The following COL27A1 variants were observed in gnomAD, a reference collection of about 807,000 sequenced individuals.
COL27A1 encodes collagen alpha-1(XXVII) chain.
In COL27A1, 106 loss-of-function variants were observed where a neutral mutation model predicts 251.3. The observed-to-expected ratio is 0.42, with a 90% CI of 0.36 to 0.50. The LOEUF (loss-of-function observed/expected upper bound fraction) is 0.50. Ranked by LOEUF, COL27A1 falls within the 20% of genes least tolerant of loss-of-function variation. The pLI is 0.00. For synonymous variants in COL27A1, 1,000 were observed against 986.3 expected, an observed-to-expected ratio of 1.01 and a Z score of -0.26; for missense variants, 2,325 against 2,522.8, an observed-to-expected ratio of 0.92 and a Z score of 1.68.
chr9:114,227,013 G>T (rs1033558565), intron 14 of COL27A1, among the ~76,000 whole-genome samples: 2 of 152,242 alleles, frequency 1.3e-5, no homozygotes, highest in African/African-American at 4.8e-5. Flanking sequence ...AAGGACAAAT[G>T]GGCATTAACA....
In COL27A1 at chr9:114,195,956, C is replaced by T; in HGVS notation, c.2071-3C>T. The T allele has an allele frequency of 6.2e-7, 1 of 1,612,980 alleles. No individual in the cohort carries two copies. On this transcript the variant is annotated splice_polypyrimidine_tract_variant and splice_region_variant and intron_variant, in intron 6 of 60. Transcript: ENST00000356083. ...CCTCACCCACCTTGTCTGTGTCTTC[C>T]AGGGTGACATGGGCTTGCCTGGGCT...
At chr9:114,306,790 A>T in intron 58 of COL27A1, 102 bp downstream of exon 58, 1 of 1,293,090 alleles carries the variant, frequency 7.7e-7, no homozygotes, top group Non-Finnish European at 1.1e-6. Flanking sequence ...TTTTGTCCTC[A>T]GCAAGACAGA....
At chr9:114,195,837 T>C in intron 6 of COL27A1, 122 bp from the exon 7 acceptor site, 1 of 830,366 alleles carries the variant, frequency 1.2e-6, no homozygotes, top group Non-Finnish European at 2.1e-6. Flanking sequence ...AGGCCTCTAC[T>C]TCTCTATGAA....
intron 5 of COL27A1, among the ~76,000 whole-genome samples, chr9:114,186,844 A>G (rs1828378452): frequency 6.6e-6 from 1 of 152,178 alleles, no homozygotes; most frequent in Non-Finnish European, 1.5e-5. Flanking sequence ...CAGGGTGCTG[A>G]TGCTGGACCA....
At chr9:114,199,375 G>C (rs1003908650) in intron 7 of COL27A1, among the ~76,000 whole-genome samples, 13 of 152,090 alleles carry the variant, frequency 8.5e-5, no homozygotes, top group African/African-American at 3.1e-4. Flanking sequence ...CACAAAGTCA[G>C]TGTTGAGAAA....
intron 25 of COL27A1, among the ~76,000 whole-genome samples, 182 bp from the exon 26 acceptor site, chr9:114,252,411 C>T (rs1288294141): frequency 6.6e-6 from 1 of 152,194 alleles, no homozygotes; most frequent in African/African-American, 2.4e-5. Flanking sequence ...TTGGCTTCCT[C>T]TGAGTGAAAT....
chr9:114,234,687 A>C (rs1031624731), intron 16 of COL27A1, among the ~76,000 whole-genome samples: 4 of 152,202 alleles, frequency 2.6e-5, no homozygotes, highest in Non-Finnish European at 4.4e-5. Context: ...ACAAACACCC[A>C]GACTTAAGTC....
At chr9:114,295,125 G>T (rs748512956) in intron 49 of COL27A1, among the ~76,000 whole-genome samples, 2 of 152,126 alleles carry the variant, frequency 1.3e-5, no homozygotes, top group African/African-American at 2.4e-5. Flanking sequence ...GTGCACAAAT[G>T]AATTGCATTT....
chr9:114,289,339 G>A (rs1260893961), intron 45 of COL27A1, 44 bp downstream of exon 45: 1 of 1,526,550 alleles, frequency 6.6e-7, no homozygotes, highest in Admixed American at 2.2e-5. Context: ...GTCCCAGGAA[G>A]GGGGAAGCCT....
At chr9:114,251,654 T>C (rs1241072500) in intron 25 of COL27A1, among the ~76,000 whole-genome samples, 1 of 152,202 alleles carries the variant, frequency 6.6e-6, no homozygotes, top group East Asian at 1.9e-4. Flanking sequence ...AAATGACCCA[T>C]GTCCCTTCTC....
chr9:114,278,994 G>A, intron 37 of COL27A1, among the ~76,000 whole-genome samples: 1 of 152,166 alleles, frequency 6.6e-6, no homozygotes. Flanking sequence ...GCTGGAGAGG[G>A]CACGTCCCAG....
rs371912810 is a variant in COL27A1 at position 114,169,400 on chromosome 9, A to G, written c.1845A>G (p.Ala615=). ...TSSGYSIFHL[A]GSTPFPLLMG... ...GTGGCTATTCGATCTTCCACCTGGC[A>G]GGATCTACGCCTTTCCCTCTGCTGA... Residue 615 remains alanine (A), a synonymous_variant, in exon 3 of 61, where the codon GCA becomes GCG. Coordinates refer to ENST00000356083, the MANE Select transcript of COL27A1 (RefSeq NM_032888.4). The G allele has an allele frequency of 1.2e-6, 2 of 1,604,904 alleles. No individual in the cohort carries two copies. The highest frequency in any genetic ancestry group is 1.7e-6 in the Non-Finnish European group (2 of 1,176,450).
At chr9:114,157,106 A>ACGCG (rs1554782456) in intron 1 of COL27A1, among the ~76,000 whole-genome samples, 2,477 of 147,836 alleles carry the variant, frequency 0.017, 52 homozygotes, top group African/African-American at 0.039. Flanking sequence ...ACACACACAT[A>ACGCG]CGCGCGCGCG....
upstream of COL27A1, among the ~76,000 whole-genome samples, chr9:114,154,866 A>T (rs1848033378): frequency 6.6e-6 from 1 of 152,120 alleles, no homozygotes; most frequent in African/African-American, 2.4e-5. This position sits in a 1 kb window ranked among gnomAD's most constrained non-coding sequence, Gnocchi z 5.8. Context: ...CTGTGGTCCC[A>T]GGGCTGGACT....
intron 23 of COL27A1, 82 bp downstream of exon 23, chr9:114,243,642 C>A: frequency 1.7e-6 from 2 of 1,194,204 alleles, no homozygotes; most frequent in South Asian, 2.8e-5. Flanking sequence ...CCCCAAATCC[C>A]ATGGCCAGTT....
At chr9:114,268,167 C>T (rs538898898) in intron 34 of COL27A1, among the ~76,000 whole-genome samples, 53 of 152,212 alleles carry the variant, frequency 3.5e-4, no homozygotes, top group South Asian at 6.2e-4. Context: ...AACCACCCCA[C>T]GTAGAAAACT....
At chr9:114,207,856 T>A (rs1484013443) in intron 10 of COL27A1, among the ~76,000 whole-genome samples, 1 of 152,190 alleles carries the variant, frequency 6.6e-6, no homozygotes, top group East Asian at 1.9e-4. Context: ...CTATTTGGAA[T>A]GGCAGTAAAT....
chr9:114,307,838 G>T (rs1829167133), intron 59 of COL27A1, 60 bp downstream of exon 59: 1 of 1,256,840 alleles, frequency 8.0e-7, no homozygotes, highest in Admixed American at 1.8e-5. Flanking sequence ...AGCCTGCCCT[G>T]GGCCACAACC....
intron 53 of COL27A1, 59 bp downstream of exon 53, chr9:114,301,378 C>G (rs1828617165): frequency 6.2e-7 from 1 of 1,612,152 alleles, no homozygotes; most frequent in African/African-American, 1.3e-5. Context: ...GAGGGGTGGG[C>G]TCCCAGAGTT....
Sources: gnomAD v4.1 joint callset for allele counts (sites outside exome capture counted in the v4.1 genomes callset) on GRCh38, gnomAD v4.1.1 for gene constraint, Gnocchi (gnomAD v3.1) non-coding constraint, MANE v1.5 for transcripts, NCBI Gene and HGNC (gene_info 2026-07-23, HGNC 2026-07-21) for gene names.